Variants in RANBP2 observed in about 807,000 individuals in gnomAD.
RANBP2 encodes RAN binding protein 2, also known as E3 SUMO-protein ligase RanBP2.
RANBP2 carries 57 observed loss-of-function variants against 303.6 expected under a neutral mutation model. The ratio of observed to expected loss-of-function variants is 0.19; its 90% confidence interval spans 0.15 to 0.23. The LOEUF is 0.23. RANBP2 is among the 10% of genes least tolerant of loss of function. The pLI is 1.00. For synonymous variants in RANBP2, 1,167 were observed against 1,301.5 expected, an observed-to-expected ratio of 0.90 and a Z score of 2.23; for missense variants, 3,138 against 3,780.8, an observed-to-expected ratio of 0.83 and a Z score of 4.46.
At chr2:108,963,807 T>C in the RANBP2 span, among the ~76,000 whole-genome samples, 1 of 152,228 alleles carries the variant, frequency 6.6e-6, no homozygotes, top group Non-Finnish European at 1.5e-5. Flanking sequence ...CTGTAGACTC[T>C]GCCTTCTTGT....
the RANBP2 span, among the ~76,000 whole-genome samples, chr2:109,262,018 T>C: frequency 0.71 from 108,471 of 152,086 alleles, 38,846 homozygotes; most frequent in East Asian, 0.9. Flanking sequence ...TAAGAGTGGC[T>C]AGAGCAGGAG....
chr2:109,519,234 C>T, the RANBP2 span, among the ~76,000 whole-genome samples: 1 of 151,976 alleles, frequency 6.6e-6, no homozygotes, highest in African/African-American at 2.4e-5. Context: ...CTACACACTT[C>T]TAAACAACCA....
chr2:109,502,109 C>T, the RANBP2 span: 20 of 167,458 alleles, frequency 1.2e-4, no homozygotes, highest in South Asian at 9.7e-4. Flanking sequence ...GGGCTTCCCG[C>T]GGGGCCCAGG....
At chr2:109,432,625 G>C in the RANBP2 span, 2 of 1,612,708 alleles carry the variant, frequency 1.2e-6, no homozygotes, top group Non-Finnish European at 1.7e-6. Flanking sequence ...TCTGAGGACC[G>C]GGGTCTCTGG....
At chr2:108,975,451 G>C in the RANBP2 span, among the ~76,000 whole-genome samples, 1 of 152,182 alleles carries the variant, frequency 6.6e-6, no homozygotes, top group African/African-American at 2.4e-5. Context: ...GCACATGAGA[G>C]CAAGACCTGC....
chr2:109,226,363 G>T, the RANBP2 span, among the ~76,000 whole-genome samples: 2 of 152,146 alleles, frequency 1.3e-5, no homozygotes, highest in African/African-American at 4.8e-5. Flanking sequence ...ACTCAGGAAG[G>T]TCAGCTGTTT....
the RANBP2 span, among the ~76,000 whole-genome samples, chr2:109,524,097 C>T: frequency 6.6e-6 from 1 of 152,232 alleles, no homozygotes; most frequent in Non-Finnish European, 1.5e-5. Context: ...CTCACTGGGA[C>T]TCCGTGGGCC....
chr2:109,346,797 T>C, the RANBP2 span, among the ~76,000 whole-genome samples: 6 of 152,338 alleles, frequency 3.9e-5, no homozygotes, highest in Middle Eastern at 6.8e-3. Context: ...CAGGTGCAGA[T>C]GGGTTGGTTA....
At chr2:109,035,311 G>C in the RANBP2 span, among the ~76,000 whole-genome samples, 1 of 152,026 alleles carries the variant, frequency 6.6e-6, no homozygotes, top group African/African-American at 2.4e-5. Context: ...GTTCCCCCAA[G>C]ATGGAGAGTC....
chr2:109,169,428 A>G, the RANBP2 span, among the ~76,000 whole-genome samples: 1 of 152,128 alleles, frequency 6.6e-6, no homozygotes, highest in Non-Finnish European at 1.5e-5. Flanking sequence ...TGAAGAACAC[A>G]GCTCAGCTCC....
At chr2:109,450,214 C>T in the RANBP2 span, among the ~76,000 whole-genome samples, 10 of 152,106 alleles carry the variant, frequency 6.6e-5, no homozygotes, top group African/African-American at 2.4e-4. Context: ...GGCATGGTGG[C>T]GTGCGCCTGT....
chr2:109,144,151 C>T, the RANBP2 span, among the ~76,000 whole-genome samples: 1 of 152,180 alleles, frequency 6.6e-6, no homozygotes, highest in Non-Finnish European at 1.5e-5. Flanking sequence ...GTTAACAATA[C>T]TCGATTATAT....
chr2:109,282,738 T>C, the RANBP2 span, among the ~76,000 whole-genome samples: 1 of 152,206 alleles, frequency 6.6e-6, no homozygotes, highest in Non-Finnish European at 1.5e-5. Context: ...TTTCATAGTT[T>C]AGTCCTCAGA....
chr2:109,394,031 G>A, the RANBP2 span, among the ~76,000 whole-genome samples: 2 of 152,168 alleles, frequency 1.3e-5, no homozygotes, highest in Non-Finnish European at 2.9e-5. Flanking sequence ...GAGCTGCGGG[G>A]AGAGAGTCTT....
At chr2:109,419,786 C>A in the RANBP2 span, 1 of 718,148 alleles carries the variant, frequency 1.4e-6, no homozygotes, top group Non-Finnish European at 2.3e-6. Context: ...AATAACACCG[C>A]TGAAGGGAGA....
At chr2:109,698,462 T>A in the RANBP2 span, among the ~76,000 whole-genome samples, 1 of 135,920 alleles carries the variant, frequency 7.4e-6, no homozygotes, top group Non-Finnish European at 1.7e-5. Flanking sequence ...TGAGACCCCA[T>A]TTCAGAAAAA....
the RANBP2 span, among the ~76,000 whole-genome samples, chr2:108,939,608 C>T: frequency 6.6e-6 from 1 of 151,988 alleles, no homozygotes; most frequent in Non-Finnish European, 1.5e-5. Context: ...AGAACATGTC[C>T]CGTTAGGAAG....
At chr2:109,701,055 T>C in the RANBP2 span, among the ~76,000 whole-genome samples, 3 of 152,112 alleles carry the variant, frequency 2.0e-5, no homozygotes, top group East Asian at 5.8e-4. Flanking sequence ...AGGAGACGCG[T>C]TCACAGGAGA....
the RANBP2 span, among the ~76,000 whole-genome samples, chr2:108,839,524 A>T: frequency 6.6e-6 from 1 of 152,146 alleles, no homozygotes; most frequent in African/African-American, 2.4e-5. Flanking sequence ...ATGAACATAA[A>T]ATGTCTGTCC....
Sources: gnomAD v4.1 joint callset for allele counts (sites outside exome capture counted in the v4.1 genomes callset) on GRCh38, gnomAD v4.1.1 for gene constraint, MANE v1.5 for transcripts, NCBI Gene and HGNC (gene_info 2026-07-23, HGNC 2026-07-21) for gene names.